Variants in DOCK4 observed in about 807,000 individuals in gnomAD.
The protein encoded by DOCK4 is dedicator of cytokinesis protein 4.
In DOCK4, 97 loss-of-function variants were observed where a neutral mutation model predicts 268.1. The observed-to-expected ratio is 0.36, with a 90% CI of 0.31 to 0.43. The LOEUF is 0.43. Among genes scored for constraint, DOCK4 ranks in the 20% least tolerant of loss-of-function variants. The pLI, the probability that DOCK4 is intolerant of heterozygous loss-of-function variation, is 1.00. For missense variants in DOCK4, 2,145 were observed against 2,455.7 expected (o/e 0.87, Z 2.67); for synonymous variants, 954 against 887.2 (o/e 1.08, Z -1.34).
Position 111,809,325 on chromosome 7 carries a change from G to T in DOCK4, c.3083C>A (p.Ser1028Tyr), listed in dbSNP as rs192482962. The T allele has an allele frequency of 1.4e-4, 213 of 1,562,340 alleles. No homozygotes were observed. The African/African-American group carries it at 2.6e-3, about 19-fold the overall frequency. ...LCLQLEMFTP[S>Y]KKKKVLEKYG... ...CTTTTCTAACACCTTTTTCTTCTTG[G>T]AAGGTGTGAACATCTCCAACTGCAG... Residue 1028 changes from serine to tyrosine, a missense_variant, in exon 29 of 53, where the codon TCC (serine) becomes TAC (tyrosine). By Grantham distance (144) the Ser-to-Tyr change is moderately radical. Coordinates refer to ENST00000428084, the MANE Select transcript of DOCK4 (RefSeq NM_001363540.2).
chr7:112,164,306 T>C (rs1817397067), intron 1 of DOCK4, among the ~76,000 whole-genome samples: 1 of 152,088 alleles, frequency 6.6e-6, no homozygotes, highest in African/African-American at 2.4e-5. Flanking sequence ...TGAAGGCATT[T>C]GTATTCTAAT....
chr7:112,139,450 G>C (rs1341632355), intron 1 of DOCK4, among the ~76,000 whole-genome samples: 1 of 152,168 alleles, frequency 6.6e-6, no homozygotes, highest in African/African-American at 2.4e-5. Context: ...TTCATAAATA[G>C]TTATTTTTTA....
Position 112,206,338 on chromosome 7 carries a change from G to A in DOCK4, c.-200C>T. 1.6e-6 allele frequency: 1 copy of A among 609,800 alleles called. No homozygotes were observed. Among genetic ancestry groups the A allele is most frequent in the Non-Finnish European group, 2.8e-6 (1 of 351,018 alleles). 37.8% of individuals were successfully genotyped at this position (609,800 alleles called of 1,614,324 possible). On this transcript the variant is annotated 5_prime_UTR_variant, in exon 1 of 53. Coordinates refer to ENST00000428084, the MANE Select transcript of DOCK4 (RefSeq NM_001363540.2). ...CGCCGCCCGCAGCTCTCCCGGCGGC[G>A]GCTGCTCACAGTCCTCCGACGCGCT...
intron 36 of DOCK4, among the ~76,000 whole-genome samples, chr7:111,770,910 A>G (rs1798087541): frequency 1.3e-5 from 2 of 152,352 alleles, no homozygotes; most frequent in South Asian, 4.1e-4. Context: ...TAGTTGCAAT[A>G]AGAAGGGCCA....
chr7:112,053,019 T>C (rs1274312547), intron 1 of DOCK4, among the ~76,000 whole-genome samples: 1 of 152,196 alleles, frequency 6.6e-6, no homozygotes, highest in Non-Finnish European at 1.5e-5. Flanking sequence ...AAATGCTAAA[T>C]TTTCCCTTAC....
At chr7:111,756,292 T>G (rs1797013854) in intron 41 of DOCK4, among the ~76,000 whole-genome samples, 1 of 152,152 alleles carries the variant, frequency 6.6e-6, no homozygotes, top group South Asian at 2.1e-4. Flanking sequence ...GAGCTTGCAG[T>G]AAGCCGAGAT....
rs747281768 is a variant in DOCK4, at chr7:111,988,993, C to T, written c.464+22G>A. On this transcript the variant is annotated intron_variant, in intron 6 of 52. Transcript: ENST00000428084. ...CATTGTGTTCACCTACTAGAGGCCG[C>T]CCTGTGATGCTCAATACTCACTCAT... The T allele has an allele frequency of 4.4e-6, 7 of 1,595,826 alleles. No individual in the cohort carries two copies. The South Asian group carries it at 5.6e-5, about 13-fold the overall frequency.
rs1238238408 is a variant in DOCK4 at position 112,159,286 on chromosome 7, G to A, written c.37+46816C>T. The stretch of plus-strand genomic sequence containing the variant: ...CACATCTGCATCTCTTCTTCCTCCC[G>A]CCCTCAACATCCCTGTTCAGGCCCC... On this transcript the variant is annotated intron_variant, in intron 1 of 52. Transcript: ENST00000428084. Among the ~76,000 whole-genome samples, 8 of 151,280 alleles carry A rather than the reference G, an allele frequency of 5.3e-5. No homozygotes were observed. The East Asian group carries it at 1.2e-3, about 22-fold the overall frequency.
intron 1 of DOCK4, among the ~76,000 whole-genome samples, chr7:112,104,559 A>C (rs2158126): frequency 0.28 from 43,091 of 152,126 alleles, 6,583 homozygotes; most frequent in Middle Eastern, 0.46. Context: ...CCAAGTTCTG[A>C]GAATCAGTTT....
chr7:112,123,954 G>A (rs1242792419), intron 1 of DOCK4, among the ~76,000 whole-genome samples: 1 of 152,112 alleles, frequency 6.6e-6, no homozygotes, highest in Non-Finnish European at 1.5e-5. Context: ...CCTGGCACGA[G>A]CTATTAATCA....
chr7:112,084,596 C>G (rs1229663869), intron 1 of DOCK4, among the ~76,000 whole-genome samples: 1 of 152,116 alleles, frequency 6.6e-6, no homozygotes, highest in Non-Finnish European at 1.5e-5. Context: ...CAATAAGAAA[C>G]AGTCACATGA....
intron 1 of DOCK4, among the ~76,000 whole-genome samples, chr7:112,095,226 A>G (rs1810012781): frequency 6.6e-6 from 1 of 152,130 alleles, no homozygotes; most frequent in Non-Finnish European, 1.5e-5. Flanking sequence ...AAAGACAATG[A>G]AATTGAGTTG....
intron 1 of DOCK4, among the ~76,000 whole-genome samples, chr7:112,146,010 T>C (rs141176526): frequency 1.3e-5 from 2 of 152,268 alleles, no homozygotes; most frequent in East Asian, 3.9e-4. Flanking sequence ...GATAATATTC[T>C]AACAGGATAA....
rs575412493 is a variant in DOCK4, at chr7:111,823,363, C to T, written c.2836-907G>A. Among the ~76,000 whole-genome samples, 154 of 151,880 alleles carry T rather than the reference C, an allele frequency of 1.0e-3. 2 individuals are homozygous for T. The South Asian group carries it at 0.015, about 15-fold the overall frequency. ...CTGAGACCACAGGCGCCTGCCACCACGTCCAGCTAATTTTTTGTATTTTTA... is the reference window on the plus strand; with the variant it reads ...CTGAGACCACAGGCGCCTGCCACCATGTCCAGCTAATTTTTTGTATTTTTA... On this transcript the variant is annotated intron_variant, in intron 26 of 52. Coordinates refer to ENST00000428084, the MANE Select transcript of DOCK4 (RefSeq NM_001363540.2).
At chr7:112,088,364 G>A (rs933961789) in intron 1 of DOCK4, among the ~76,000 whole-genome samples, 2 of 152,116 alleles carry the variant, frequency 1.3e-5, no homozygotes, top group Non-Finnish European at 2.9e-5. Context: ...AAGGTTAGAT[G>A]TTTATAGATA....
chr7:111,741,301 G>A (rs1795900456), intron 46 of DOCK4, 87 bp from the exon 47 acceptor site: 1 of 1,534,326 alleles, frequency 6.5e-7, no homozygotes, highest in South Asian at 1.2e-5. Flanking sequence ...CCAAAGGGGG[G>A]AAAATACATT....
intron 36 of DOCK4, among the ~76,000 whole-genome samples, chr7:111,771,913 T>C (rs752538323): frequency 6.6e-6 from 1 of 152,214 alleles, no homozygotes; most frequent in Non-Finnish European, 1.5e-5. Flanking sequence ...TCACTCAAAT[T>C]TCTTTTGTGT....
intron 16 of DOCK4, among the ~76,000 whole-genome samples, chr7:111,880,549 AC>A (rs1482048057): frequency 6.6e-6 from 1 of 152,172 alleles, no homozygotes; most frequent in Non-Finnish European, 1.5e-5. Flanking sequence ...ACACAGAAAA[AC>A]ACAGAATAGT....
chr7:111,863,729 G>A (rs1218102502), intron 22 of DOCK4, among the ~76,000 whole-genome samples, 165 bp from the exon 23 acceptor site: 1 of 152,194 alleles, frequency 6.6e-6, no homozygotes, highest in African/African-American at 2.4e-5. Flanking sequence ...TTTAAAAAGT[G>A]CAGCAGAATA....
Sources: gnomAD v4.1 joint callset for allele counts (sites outside exome capture counted in the v4.1 genomes callset) on GRCh38, gnomAD v4.1.1 for gene constraint, MANE v1.5 for transcripts, NCBI Gene and HGNC (gene_info 2026-07-23, HGNC 2026-07-21) for gene names.